STK3: variants seen among roughly 807,000 people sequenced by gnomAD.
STK3 encodes serine/threonine-protein kinase 3.
In STK3, 41 loss-of-function variants were observed where a neutral mutation model predicts 58.0. That is an observed-to-expected ratio of 0.71 (90% CI 0.55 to 0.92). The LOEUF (loss-of-function observed/expected upper bound fraction) is 0.92. Ranked by LOEUF, STK3 falls within the 40% of genes least tolerant of loss-of-function variation. STK3 has a pLI of 0.00. For missense variants in STK3, 479 were observed against 602.7 expected (o/e 0.79, Z 2.15); for synonymous variants, 170 against 191.0 (o/e 0.89, Z 0.91).
the STK3 span, among the ~76,000 whole-genome samples, chr8:98,358,015 T>C: frequency 6.6e-6 from 1 of 151,896 alleles, no homozygotes; most frequent in Non-Finnish European, 1.5e-5. Flanking sequence ...TTCAATAAAC[T>C]CCAACATTCA....
chr8:98,652,381 C>T (rs962630006), intron 6 of STK3, among the ~76,000 whole-genome samples: 2 of 152,134 alleles, frequency 1.3e-5, no homozygotes, highest in Non-Finnish European at 2.9e-5. Context: ...AAAATCATGC[C>T]GAATTGTAAA....
At chr8:98,503,869 G>C (rs1823829068) in intron 10 of STK3, among the ~76,000 whole-genome samples, 1 of 152,230 alleles carries the variant, frequency 6.6e-6, no homozygotes, top group Non-Finnish European at 1.5e-5. Context: ...TGAGAAGAAT[G>C]TATATTCTGT....
chr8:98,509,516 T>C (rs1824342801), intron 10 of STK3, among the ~76,000 whole-genome samples: 1 of 151,978 alleles, frequency 6.6e-6, no homozygotes, highest in Non-Finnish European at 1.5e-5. Flanking sequence ...AATTATTTTA[T>C]TAAGGAGAAT....
intron 4 of STK3, among the ~76,000 whole-genome samples, chr8:98,714,046 T>C (rs370668164): frequency 1.3e-5 from 2 of 152,156 alleles, no homozygotes; most frequent in South Asian, 4.1e-4. Flanking sequence ...ATTATCTCAA[T>C]AGATGCAGAA....
intron 10 of STK3, among the ~76,000 whole-genome samples, chr8:98,470,648 A>C (rs1267383104): frequency 6.6e-6 from 1 of 152,180 alleles, no homozygotes; most frequent in Non-Finnish European, 1.5e-5. Flanking sequence ...AATGACCAGA[A>C]ACTGTCTTTC....
chr8:98,587,968 CT>C (rs781080320), intron 7 of STK3, among the ~76,000 whole-genome samples: 22 of 152,276 alleles, frequency 1.4e-4, no homozygotes, highest in Non-Finnish European at 2.8e-4. Context: ...TTCCTCCATC[CT>C]TGTATTTTTA....
chr8:98,794,301 A>G (rs1443366352), intron 1 of STK3, among the ~76,000 whole-genome samples: 1 of 152,234 alleles, frequency 6.6e-6, no homozygotes, highest in East Asian at 1.9e-4. Context: ...AAGAGAGAGA[A>G]GATCCAAATA....
chr8:98,749,273 T>TA lies in STK3; in HGVS notation c.351+2dup. The TA allele has an allele frequency of 6.3e-7, 1 of 1,583,862 alleles. No individual in the cohort carries two copies. Among genetic ancestry groups the TA allele is most frequent in the South Asian group, 1.1e-5 (1 of 88,134 alleles). On this transcript the variant is annotated splice_region_variant and intron_variant, in intron 4 of 10. Coordinates refer to ENST00000419617, the MANE Select transcript of STK3 (RefSeq NM_006281.4). ...ATTAGCAAAACAATTTTAAAATACT[T>TA]ACTGTCTTGTTTCGTAATCTAATTA...
In STK3 at chr8:98,688,232, T is replaced by A. The variant is rs1168967246; in HGVS notation, c.684+18235A>T. Among the ~76,000 whole-genome samples, 4 of 152,212 alleles carry A rather than the reference T, an allele frequency of 2.6e-5. 1 individual carries two copies. The highest frequency in any genetic ancestry group is 6.5e-5 in the Admixed American group (1 of 15,274). On this transcript the variant is annotated intron_variant, in intron 6 of 10. Transcript: ENST00000419617. ...ACAAGAAGACTTAACTATCCTTAAATATATACACACTCAACACTGGAGCAC... is the reference window on the plus strand; with the variant it reads ...ACAAGAAGACTTAACTATCCTTAAAAATATACACACTCAACACTGGAGCAC...
chr8:98,413,953 AC>A (rs1339848841), intron 3 of STK3, among the ~76,000 whole-genome samples: 1 of 152,172 alleles, frequency 6.6e-6, no homozygotes, highest in Non-Finnish European at 1.5e-5. Flanking sequence ...AGACCTGAAA[AC>A]CATATTCTTC....
intron 10 of STK3, among the ~76,000 whole-genome samples, chr8:98,512,426 C>T (rs952188345): frequency 6.6e-5 from 10 of 152,096 alleles, no homozygotes; most frequent in East Asian, 1.9e-4. Context: ...TTTGGAGATA[C>T]AAGATAAGTA....
In STK3 at chr8:98,922,475, C is replaced by G. The variant is rs536437736; in HGVS notation, c.-79+19903G>C. Among the ~76,000 whole-genome samples, 12 of 152,324 alleles carry G rather than the reference C, an allele frequency of 7.9e-5. No homozygotes were observed. In the East Asian group the frequency reaches 9.6e-4, roughly 12 times the overall value. ...TTACCTGCATTTGAATATTTCATAA[C>G]TGGGACTTTTCTTACTTCCACATTA... On this transcript the variant is annotated intron_variant, in intron 1 of 1. Coordinates refer to the STK3 transcript ENST00000519420.
At position 98,800,455 on chromosome 8, in the gene STK3, G is replaced by A. The variant is rs1032493252; in HGVS notation, c.26+25060C>T. 1.3e-5 allele frequency among the ~76,000 whole-genome samples: 2 copies of A among 152,180 alleles called. No individual in the cohort carries two copies. On this transcript the variant is annotated intron_variant, in intron 1 of 10. Transcript: ENST00000419617. The surrounding 1 kb of genome is among the most constrained non-coding windows in gnomAD (Gnocchi z 4.8). ...TGCTAGCAGCCCTCACTCACTCTCA[G>A]CACCTCCTCGGCCTCGGTGTCCACT...
At chr8:98,885,281 G>A (rs1203859830) in intron 1 of STK3, among the ~76,000 whole-genome samples, 1 of 152,170 alleles carries the variant, frequency 6.6e-6, no homozygotes, top group African/African-American at 2.4e-5. Context: ...TATGTTTCAT[G>A]GTGAGTAAAG....
chr8:98,792,773 G>A (rs771813138), intron 1 of STK3, among the ~76,000 whole-genome samples: 31 of 152,190 alleles, frequency 2.0e-4, no homozygotes, highest in Non-Finnish European at 2.8e-4. Context: ...TCTACCCAGA[G>A]GAAAAGAAGT....
At chr8:98,811,545 G>A (rs76436312) in intron 1 of STK3, among the ~76,000 whole-genome samples, 488 of 127,964 alleles carry the variant, frequency 3.8e-3, no homozygotes, top group Non-Finnish European at 4.2e-3. Flanking sequence ...AAAGAAAAAA[G>A]AAAAAAAAAA....
intron 6 of STK3, chr8:98,601,677 G>A (rs977735310): frequency 2.6e-5 from 4 of 152,214 alleles, no homozygotes; most frequent in African/African-American, 9.7e-5. Flanking sequence ...AAATAGGTAT[G>A]TGAGCTAAAT....
At chr8:98,759,717 A>G (rs2131402458) in intron 3 of STK3, among the ~76,000 whole-genome samples, 1 of 152,302 alleles carries the variant, frequency 6.6e-6, no homozygotes, top group Admixed American at 6.5e-5. Context: ...ATTTTAAGCA[A>G]TGCAGAAAGT....
At chr8:98,649,412 C>T (rs895849076) in intron 6 of STK3, among the ~76,000 whole-genome samples, 4 of 152,092 alleles carry the variant, frequency 2.6e-5, no homozygotes, top group African/African-American at 9.7e-5. Flanking sequence ...AGAAACTTCT[C>T]CCAAGTTTCT....
Sources: gnomAD v4.1 joint callset for allele counts (sites outside exome capture counted in the v4.1 genomes callset) on GRCh38, gnomAD v4.1.1 for gene constraint, Gnocchi (gnomAD v3.1) non-coding constraint, MANE v1.5 for transcripts, NCBI Gene and HGNC (gene_info 2026-07-23, HGNC 2026-07-21) for gene names.